The following ARHGAP26 variants were observed in gnomAD, a reference collection of about 807,000 sequenced individuals.
ARHGAP26 encodes the protein rho GTPase-activating protein 26.
ARHGAP26 carries 38 observed loss-of-function variants against 104.8 expected under a neutral mutation model. The ratio of observed to expected loss-of-function variants is 0.36; its 90% CI spans 0.28 to 0.48. The LOEUF (loss-of-function observed/expected upper bound fraction) is 0.48, where lower values mean the gene tolerates loss of function less well. ARHGAP26 is among the 20% of genes least tolerant of loss of function. The probability of loss-of-function intolerance (pLI) is 0.99; values close to 1 mark genes in which losing one functional copy is unlikely to be tolerated. For missense variants in ARHGAP26, 704 were observed against 947.9 expected (o/e 0.74, Z 3.38); for synonymous variants, 341 against 340.0 (o/e 1.00, Z -0.03).
chr5:142,867,165 C>T (rs181927221), intron 1 of ARHGAP26, among the ~76,000 whole-genome samples: 54 of 152,260 alleles, frequency 3.5e-4, no homozygotes, highest in Non-Finnish European at 7.2e-4. Flanking sequence ...TTTAAATTAG[C>T]TGCTTGGTCA....
chr5:143,198,360 A>G (rs1807186189), intron 20 of ARHGAP26, among the ~76,000 whole-genome samples: 1 of 152,222 alleles, frequency 6.6e-6, no homozygotes, highest in South Asian at 2.1e-4. Flanking sequence ...ACATATTGTG[A>G]AATTTTTTAG....
intron 20 of ARHGAP26, among the ~76,000 whole-genome samples, chr5:143,183,101 A>C (rs7705069): frequency 1.4e-5 from 2 of 147,696 alleles, no homozygotes; most frequent in African/African-American, 5.1e-5. Context: ...AGAAAAAAAA[A>C]CCTCATTTCC....
chr5:143,199,115 A>C (rs1807308133), intron 20 of ARHGAP26, among the ~76,000 whole-genome samples: 1 of 152,232 alleles, frequency 6.6e-6, no homozygotes, highest in South Asian at 2.1e-4. Flanking sequence ...TCATTGTTTA[A>C]ATAAAAATGC....
chr5:143,205,596 C>T (rs1312730481), intron 20 of ARHGAP26, among the ~76,000 whole-genome samples: 1 of 152,190 alleles, frequency 6.6e-6, no homozygotes, highest in Non-Finnish European at 1.5e-5. Context: ...TTGGCACAGG[C>T]TAGAGGAACA....
At chr5:143,044,488 CATTCACATGATTCGTTTCT>C (rs1562318759) in intron 14 of ARHGAP26, among the ~76,000 whole-genome samples, 1 of 150,072 alleles carries the variant, frequency 6.7e-6, no homozygotes, top group African/African-American at 2.5e-5. Flanking sequence ...AGTATGGGGC[CATTCACATGATTCGTTTCT>C]CAATCTCAGA....
chr5:143,077,801 AGCTATTC>A (rs1789247709), intron 17 of ARHGAP26, among the ~76,000 whole-genome samples: 2 of 152,306 alleles, frequency 1.3e-5, no homozygotes, highest in South Asian at 4.1e-4. Context: ...GGGTCTGCAT[AGCTATTC>A]GGACCACCTA....
intron 6 of ARHGAP26, among the ~76,000 whole-genome samples, chr5:142,898,559 G>T (rs1759820732): frequency 6.6e-6 from 1 of 152,002 alleles, no homozygotes; most frequent in African/African-American, 2.4e-5. Context: ...TCTGCCTTGG[G>T]CCTCCCCGTT....
chr5:142,818,271 C>T (rs985847669), intron 1 of ARHGAP26, among the ~76,000 whole-genome samples: 3 of 152,150 alleles, frequency 2.0e-5, no homozygotes, highest in Admixed American at 2.0e-4. Flanking sequence ...GGGACCAAGC[C>T]AGGCTCCACT....
intron 17 of ARHGAP26, among the ~76,000 whole-genome samples, chr5:143,077,379 C>T (rs1014126266): frequency 6.6e-6 from 1 of 152,188 alleles, no homozygotes; most frequent in Non-Finnish European, 1.5e-5. Context: ...CATAGGATTA[C>T]AGATGGGCTG....
rs1173561630 is a variant in ARHGAP26 at position 143,113,708 on chromosome 5, A to C, written c.1539-7280A>C. ...AAGAAACAGTGTTTAGTCCAGTATC[A>C]CTCCCACAGGCATAAATGCTCTTTC... is the stretch of plus-strand genomic sequence containing the variant. On this transcript the variant is annotated intron_variant, in intron 17 of 22. Coordinates refer to ENST00000645722, the MANE Select transcript of ARHGAP26 (RefSeq NM_001135608.3). Among the ~76,000 whole-genome samples, 4 of 152,024 alleles carry C rather than the reference A, an allele frequency of 2.6e-5. No homozygotes were observed. The South Asian group carries it at 6.2e-4, about 24-fold the overall frequency.
intron 11 of ARHGAP26, among the ~76,000 whole-genome samples, chr5:143,009,856 C>T (rs1778497046): frequency 6.6e-6 from 1 of 152,168 alleles, no homozygotes; most frequent in South Asian, 2.1e-4. Flanking sequence ...GTTGAAGGTG[C>T]ATTAACTGTT....
At chr5:143,186,673 C>T (rs543024787) in intron 20 of ARHGAP26, among the ~76,000 whole-genome samples, 14 of 152,318 alleles carry the variant, frequency 9.2e-5, no homozygotes, top group African/African-American at 3.1e-4. Context: ...GCTTTGGGCA[C>T]AGGTAATTTG....
At chr5:142,820,315 T>C (rs999396896) in intron 1 of ARHGAP26, among the ~76,000 whole-genome samples, 3 of 152,148 alleles carry the variant, frequency 2.0e-5, no homozygotes, top group African/African-American at 7.2e-5. Context: ...TTTGAGATCT[T>C]TGGACGAAAG....
intron 17 of ARHGAP26, among the ~76,000 whole-genome samples, chr5:143,067,044 TC>T (rs1286568562): frequency 7.0e-6 from 1 of 143,558 alleles, no homozygotes; most frequent in African/African-American, 2.5e-5. Flanking sequence ...CCCCTCCCCC[TC>T]CCGCTTCTGC....
rs571686152 is a variant in ARHGAP26, at chr5:143,093,518, CTT to C, written c.1539-27468_1539-27467del. On this transcript the variant is annotated intron_variant, in intron 17 of 22. Coordinates refer to ENST00000645722, the MANE Select transcript of ARHGAP26 (RefSeq NM_001135608.3). ...TCTATCTCTCTCTCTTTCTTTCTCTCTTTGACTTTCTGTCTCTTTCTCTCTTT... is the reference window on the plus strand; with the variant it reads ...TCTATCTCTCTCTCTTTCTTTCTCTCTGACTTTCTGTCTCTTTCTCTCTTT... 5.3e-4 allele frequency among the ~76,000 whole-genome samples: 80 copies of C among 152,192 alleles called. 1 individual carries two copies. Among genetic ancestry groups the C allele is most frequent in the Non-Finnish European group, 9.9e-4 (67 of 68,000 alleles).
chr5:142,969,846 T>C (rs1168500027), intron 11 of ARHGAP26, among the ~76,000 whole-genome samples: 1 of 152,254 alleles, frequency 6.6e-6, no homozygotes, highest in Non-Finnish European at 1.5e-5. Flanking sequence ...TTGCCTTCCC[T>C]TCCTGCATAG....
At chr5:143,172,426 A>G (rs1802904799) in intron 20 of ARHGAP26, among the ~76,000 whole-genome samples, 1 of 152,216 alleles carries the variant, frequency 6.6e-6, no homozygotes, top group African/African-American at 2.4e-5. Context: ...ACGACAAAGA[A>G]GGGAAAAAAT....
chr5:143,102,070 T>C (rs1793326451), intron 17 of ARHGAP26, among the ~76,000 whole-genome samples: 1 of 152,042 alleles, frequency 6.6e-6, no homozygotes, highest in African/African-American at 2.4e-5. Flanking sequence ...GATTCAAAAC[T>C]ATGTGGTAAG....
At chr5:142,829,199 T>A (rs961396788) in intron 1 of ARHGAP26, among the ~76,000 whole-genome samples, 10 of 152,212 alleles carry the variant, frequency 6.6e-5, no homozygotes, top group African/African-American at 2.4e-4. Context: ...GAGAGAATGC[T>A]GTATACCATC....
Sources: gnomAD v4.1 joint callset for allele counts (sites outside exome capture counted in the v4.1 genomes callset) on GRCh38, gnomAD v4.1.1 for gene constraint, MANE v1.5 for transcripts, NCBI Gene and HGNC (gene_info 2026-07-23, HGNC 2026-07-21) for gene names.